ABCC10: variants seen among roughly 807,000 people sequenced by gnomAD.
ABCC10 encodes ATP binding cassette subfamily C member 10.
Under a neutral mutation model 143.2 loss-of-function variants are expected in ABCC10, and 110 were observed. The ratio of observed to expected loss-of-function variants is 0.77; its 90% confidence interval spans 0.66 to 0.90. The LOEUF (loss-of-function observed/expected upper bound fraction) is 0.90, where lower values mean the gene tolerates loss of function less well. ABCC10 is among the 40% of genes least tolerant of loss of function. ABCC10 has a pLI of 0.00. For missense variants in ABCC10, 1,700 were observed against 1,900.5 expected, an observed-to-expected ratio of 0.89 and a Z score of 1.96; for synonymous variants, 805 against 846.7, an observed-to-expected ratio of 0.95 and a Z score of 0.85.
Position 43,432,174 on chromosome 6 carries a change from G to A in ABCC10, c.194G>A (p.Gly65Glu), listed in dbSNP as rs753411981. ...GATTACATCCTACCCTGCAGTCCTG[G>A]ATGGCGCCTCCGACTTGCAGCTTCC... is the stretch of plus-strand genomic sequence containing the variant. ...SPDYILPCSP[G>E]WRLRLAASFL... The change falls in exon 3 of 22, where the codon GGA (glycine) becomes GAA (glutamate). Residue 65 changes from glycine to glutamate, a missense_variant. Coordinates refer to ENST00000372530, the MANE Select transcript of ABCC10 (RefSeq NM_001198934.2). 4 of 1,614,090 alleles carry A rather than the reference G, an allele frequency of 2.5e-6. No individual in the cohort carries two copies. Among genetic ancestry groups the A allele is most frequent in the African/African-American group, 1.3e-5 (1 of 74,940 alleles).
chr6:43,433,272 T>C lies in ABCC10; in HGVS notation c.1292T>C (p.Leu431Pro). The C allele has an allele frequency of 6.2e-7, 1 of 1,614,194 alleles. No homozygotes were observed. Among genetic ancestry groups the C allele is most frequent in the South Asian group, 1.1e-5 (1 of 91,086 alleles). ...VAFVGGLILA[L>P]LLVPVNKVIA... ...TTCGTGGGTGGTCTCATCTTGGCAC[T>C]GCTGCTGGTACCCGTCAACAAAGTG... is the stretch of plus-strand genomic sequence containing the variant. Residue 431 changes from leucine (L) to proline (P), a missense_variant, in exon 3 of 22, where the codon CTG becomes CCG. Physicochemically the swap from Leu to Pro is moderately conservative, Grantham distance 98. Transcript: ENST00000372530.
Position 43,450,414 on chromosome 6 carries a change from T to C in ABCC10, c.*323T>C. 1.8e-6 allele frequency: 2 copies of C among 1,135,924 alleles called. No homozygotes were observed. The highest frequency in any genetic ancestry group is 2.4e-6 in the Non-Finnish European group (2 of 829,754). The allele number at this position is 1,135,924 out of a possible 1,614,324, so 70.4% of individuals were successfully genotyped here. On this transcript the variant is annotated 3_prime_UTR_variant, in exon 22 of 22. Coordinates refer to ENST00000372530, the MANE Select transcript of ABCC10 (RefSeq NM_001198934.2). This position sits in a 1 kb window ranked among gnomAD's most constrained non-coding sequence, Gnocchi z 4.5. ...TACATTCTGTGTATTAAAAAAATAATATTTCTGGTGTGAGGCTGAGGTCTC... is the reference window on the plus strand; with the variant it reads ...TACATTCTGTGTATTAAAAAAATAACATTTCTGGTGTGAGGCTGAGGTCTC...
At chr6:43,447,091 C>G in intron 16 of ABCC10, 157 bp from the exon 17 acceptor site, 1 of 1,015,060 alleles carries the variant, frequency 9.9e-7, no homozygotes, top group Non-Finnish European at 1.4e-6. Context: ...CGTGATCCAC[C>G]TGCCTTGGCC....
At position 43,432,579 on chromosome 6, in the gene ABCC10, C is replaced by T. The variant is rs1474713207; in HGVS notation, c.599C>T (p.Ala200Val). Residue 200 changes from alanine (A) to valine (V), a missense_variant, in exon 3 of 22, where the codon GCT (alanine) becomes GTT (valine). Physicochemically the swap from Ala to Val is moderately conservative, Grantham distance 64. Coordinates refer to ENST00000372530, the MANE Select transcript of ABCC10 (RefSeq NM_001198934.2). ...CCTGGGGGACCACGAGAACCCTGGG[C>T]TCAGGAGCCCCTCCTGCCCGAGGAT... ...AAPGGPREPW[A>V]QEPLLPEDQE... 3.7e-6 allele frequency: 6 copies of T among 1,613,610 alleles called. No homozygotes were observed. Among genetic ancestry groups the T allele is most frequent in the Non-Finnish European group, 3.4e-6 (4 of 1,180,008 alleles).
In ABCC10 at chr6:43,432,962, C is replaced by T. The variant is rs538867404; in HGVS notation, c.982C>T (p.Leu328=). The change falls in exon 3 of 22, where the codon CTG becomes TTG. Residue 328 remains leucine (L), a synonymous_variant. Coordinates refer to ENST00000372530, the MANE Select transcript of ABCC10 (RefSeq NM_001198934.2). ...ACTAAGCCACGGCCTGCTCTATGCT[C>T]TGGGGCTAGCCGGTGGGGCTGTGCT... The part of the protein sequence containing the change: ...EPLSHGLLYA[L]GLAGGAVLGA... 4.8e-5 allele frequency: 77 copies of T among 1,614,188 alleles called. 1 individual carries two copies. In the South Asian group the frequency reaches 7.4e-4, roughly 15 times the overall value.
chr6:43,451,256 G>T (rs150986737), downstream of ABCC10: 8 of 1,613,810 alleles, frequency 5.0e-6, no homozygotes, highest in African/African-American at 1.1e-4. This position sits in a 1 kb window ranked among gnomAD's most constrained non-coding sequence, Gnocchi z 4.4. Flanking sequence ...GGCACTGCCC[G>T]CCATTGCGGC....
In ABCC10 at chr6:43,443,855, G is replaced by A. The variant is rs1330589658; in HGVS notation, c.2417-78G>A. The A allele has an allele frequency of 2.9e-6, 4 of 1,402,728 alleles. No individual in the cohort carries two copies. The highest frequency in any genetic ancestry group is 4.0e-6 in the Non-Finnish European group (4 of 988,406). 86.9% of individuals were successfully genotyped at this position (1,402,728 alleles called of 1,614,324 possible). A position where few individuals can be genotyped will look rare whatever the true frequency, so the allele number is the denominator to read the frequency against. On this transcript the variant is annotated intron_variant, in intron 10 of 21. Coordinates refer to ENST00000372530, the MANE Select transcript of ABCC10 (RefSeq NM_001198934.2). This position sits in a 1 kb window ranked among gnomAD's most constrained non-coding sequence, Gnocchi z 4.2. ...GGGGAGGCCTGAGAGGATGAGAGGT[G>A]GGATCTGCACACGCACTGAGAAAGG... is the stretch of plus-strand genomic sequence containing the variant.
intron 8 of ABCC10, among the ~76,000 whole-genome samples, chr6:43,440,596 G>A (rs1302210219): frequency 6.6e-6 from 1 of 151,406 alleles, no homozygotes; most frequent in Non-Finnish European, 1.5e-5. Flanking sequence ...AACAGTGGTG[G>A]CTCACGCCTG....
intron 4 of ABCC10, chr6:43,435,248 C>A (rs752262773): frequency 2.7e-5 from 5 of 188,356 alleles, no homozygotes; most frequent in Non-Finnish European, 5.5e-5. Context: ...AAGATGCAAC[C>A]TTGGCCAGGC....
intron 8 of ABCC10, among the ~76,000 whole-genome samples, chr6:43,440,237 G>T (rs369830903): frequency 6.6e-6 from 1 of 152,130 alleles, no homozygotes. Flanking sequence ...GATTACAGGC[G>T]TGAGCCACTG....
intron 3 of ABCC10, among the ~76,000 whole-genome samples, chr6:43,433,590 GA>G (rs1198516771): frequency 1.3e-5 from 2 of 152,218 alleles, no homozygotes; most frequent in Non-Finnish European, 2.9e-5. Flanking sequence ...TGTAAAGTGA[GA>G]ATAGTAGTAG....
intron 2 of ABCC10, among the ~76,000 whole-genome samples, chr6:43,430,386 C>A (rs1780998503): frequency 6.6e-6 from 1 of 152,172 alleles, no homozygotes; most frequent in Admixed American, 6.5e-5. Flanking sequence ...CCACCATGCC[C>A]AGCCCAGAAA....
At position 43,432,171 on chromosome 6, in the gene ABCC10, CT is replaced by C; in HGVS notation, c.192del (p.Gly65AspfsTer18). On this transcript the variant is annotated frameshift_variant, in exon 3 of 22. Coordinates refer to ENST00000372530, the MANE Select transcript of ABCC10 (RefSeq NM_001198934.2). LOFTEE classifies it high-confidence loss of function. ...RSPDYILPCSPGWRLRLAASF... is the reference protein window; with the variant it reads ...RSPDYILPCSXGWRLRLAASF... ...CCAGATTACATCCTACCCTGCAGTCCTGGATGGCGCCTCCGACTTGCAGCTT... is the reference window on the plus strand; with the variant it reads ...CCAGATTACATCCTACCCTGCAGTCCGGATGGCGCCTCCGACTTGCAGCTT... 6.2e-7 allele frequency: 1 copy of C among 1,614,228 alleles called. No homozygotes were observed. Among genetic ancestry groups the C allele is most frequent in the Non-Finnish European group, 8.5e-7 (1 of 1,180,032 alleles).
intron 17 of ABCC10, 30 bp downstream of exon 17, chr6:43,447,438 G>T: frequency 6.2e-7 from 1 of 1,603,586 alleles, no homozygotes; most frequent in Non-Finnish European, 8.5e-7. Context: ...CCAGGCCAAA[G>T]CTCTGGAACC....
intron 6 of ABCC10, among the ~76,000 whole-genome samples, chr6:43,437,381 T>C (rs1443069819): frequency 7.7e-4 from 2 of 2,584 alleles, no homozygotes; most frequent in Non-Finnish European, 2.1e-3. Context: ...AACTAGGACT[T>C]TTTTTTTTTT....
intron 5 of ABCC10, 56 bp from the exon 6 acceptor site, chr6:43,436,082 T>A (rs768397753): frequency 6.2e-7 from 1 of 1,612,668 alleles, no homozygotes; most frequent in South Asian, 1.1e-5. Context: ...TGATTTACCC[T>A]CCCCAAACAG....
chr6:43,441,895 G>C lies in ABCC10; in HGVS notation c.2161G>C (p.Glu721Gln), dbSNP rs775063196. 3.9e-5 allele frequency: 63 copies of C among 1,613,760 alleles called. No homozygotes were observed. Among genetic ancestry groups the C allele is most frequent in the Non-Finnish European group, 5.3e-5 (62 of 1,179,924 alleles). The change falls in exon 9 of 22, where the codon GAG becomes CAG. Residue 721 changes from glutamate (E) to glutamine (Q), a missense_variant. By Grantham distance (29) the Glu-to-Gln change is conservative. Transcript: ENST00000372530. ...TGCTGGAGACCAGACAGAGGTGGGG[G>C]AGAAGGGTGTCACCCTTAGCGGAGG... is the stretch of plus-strand genomic sequence containing the variant. ...LPAGDQTEVG[E>Q]KGVTLSGGQR...
intron 18 of ABCC10, among the ~76,000 whole-genome samples, chr6:43,448,466 C>A (rs1783378089): frequency 6.6e-6 from 1 of 152,202 alleles, no homozygotes; most frequent in African/African-American, 2.4e-5. Context: ...CCTTATAGCT[C>A]CATCATGTCT....
Position 43,434,782 on chromosome 6 carries a change from G to A in ABCC10, c.1542G>A (p.Pro514=), listed in dbSNP as rs756545591. 6.2e-6 allele frequency: 10 copies of A among 1,614,056 alleles called. No individual in the cohort carries two copies. The highest frequency in any genetic ancestry group is 1.3e-5 in the African/African-American group (1 of 74,902). ...AACVYLWAAL[P]VVISIVIFIT... is the part of the protein sequence containing the mutation. Reference sequence around the variant, plus strand: ...GTGTATACCTGTGGGCTGCCCTACCGGTTGTCATCTCCATCGTTATCTTCA... The same window carrying A: ...GTGTATACCTGTGGGCTGCCCTACCAGTTGTCATCTCCATCGTTATCTTCA... The change falls in exon 4 of 22, where the codon CCG becomes CCA. Residue 514 remains proline, a synonymous_variant. Coordinates refer to ENST00000372530, the MANE Select transcript of ABCC10 (RefSeq NM_001198934.2).
Sources: gnomAD v4.1 joint callset for allele counts (sites outside exome capture counted in the v4.1 genomes callset) on GRCh38, gnomAD v4.1.1 for gene constraint, Gnocchi (gnomAD v3.1) non-coding constraint, MANE v1.5 for transcripts, NCBI Gene and HGNC (gene_info 2026-07-23, HGNC 2026-07-21) for gene names.